The following EML4 variants were observed in gnomAD, a reference collection of about 807,000 sequenced individuals.
EML4 encodes the protein echinoderm microtubule-associated protein-like 4.
Under a neutral mutation model 129.0 loss-of-function variants are expected in EML4, and 72 were observed. The observed-to-expected ratio is 0.56, with a 90% CI of 0.46 to 0.68. The LOEUF is 0.68. EML4 is among the 30% of genes least tolerant of loss of function. EML4 has a pLI of 0.00. For missense variants in EML4, 1,363 were observed against 1,190.6 expected (o/e 1.14, Z -2.13); for synonymous variants, 532 against 405.0 (o/e 1.31, Z -3.77).
At chr2:42,299,166 G>A (rs1489339710) in intron 13 of EML4, among the ~76,000 whole-genome samples, 2 of 152,164 alleles carry the variant, frequency 1.3e-5, no homozygotes, top group African/African-American at 2.4e-5. Context: ...CAGCTCTGCT[G>A]AATTGGGCAA....
chr2:42,325,193 A>C (rs1267285891), intron 19 of EML4: 8 of 545,458 alleles, frequency 1.5e-5, no homozygotes, highest in Non-Finnish European at 2.9e-5. Context: ...AATGTCCTGT[A>C]AGATACAAGT....
chr2:42,232,927 G>T (rs1015322347), intron 1 of EML4, among the ~76,000 whole-genome samples: 2 of 152,020 alleles, frequency 1.3e-5, no homozygotes, highest in African/African-American at 4.8e-5. Context: ...GGGTTTCACC[G>T]TGTTAGCCAG....
rs1035706675 is a variant in EML4 at position 42,332,400 on chromosome 2, G to A, written c.*2193G>A. On this transcript the variant is annotated 3_prime_UTR_variant, in exon 23 of 23. Coordinates refer to ENST00000318522, the MANE Select transcript of EML4 (RefSeq NM_019063.5). ...TGGAAGTGGGTGGGGTTATGAAATT[G>A]TAGATGTTTTTAGAAAAACTTGTGA... 2.9e-5 allele frequency: 6 copies of A among 208,230 alleles called. No individual in the cohort carries two copies. Among genetic ancestry groups the A allele is most frequent in the African/African-American group, 1.4e-4 (6 of 43,984 alleles). The allele number at this position is 208,230 out of a possible 1,614,324, so 12.9% of individuals were successfully genotyped here.
chr2:42,316,442 C>G (rs1413157310), intron 18 of EML4, among the ~76,000 whole-genome samples: 1 of 152,216 alleles, frequency 6.6e-6, no homozygotes, highest in Non-Finnish European at 1.5e-5. Flanking sequence ...TCAAAATACG[C>G]AAATTGTATA....
chr2:42,218,119 C>G (rs1464789744), intron 1 of EML4, among the ~76,000 whole-genome samples: 2 of 152,126 alleles, frequency 1.3e-5, no homozygotes, highest in Non-Finnish European at 2.9e-5. Flanking sequence ...GTATTTGCAG[C>G]CGCTCCTCAT....
At chr2:42,329,681 G>C (rs1245825722) in intron 22 of EML4, 53 bp from the exon 23 acceptor site, 1 of 1,464,084 alleles carries the variant, frequency 6.8e-7, no homozygotes, top group Non-Finnish European at 9.5e-7. Context: ...TTCTGAAACA[G>C]GCATGTCAAG....
At chr2:42,268,286 T>C (rs769513779) in intron 6 of EML4, among the ~76,000 whole-genome samples, 31 of 152,160 alleles carry the variant, frequency 2.0e-4, no homozygotes, top group Non-Finnish European at 4.1e-4. Flanking sequence ...AAAGATGATT[T>C]AAAGTATACA....
intron 1 of EML4, among the ~76,000 whole-genome samples, chr2:42,221,034 A>G: frequency 6.6e-6 from 1 of 152,148 alleles, no homozygotes; most frequent in East Asian, 1.9e-4. Flanking sequence ...CCATACATAA[A>G]AGTGCAAGGT....
chr2:42,282,607 A>C (rs923768213), intron 7 of EML4, among the ~76,000 whole-genome samples: 1 of 151,330 alleles, frequency 6.6e-6, no homozygotes, highest in African/African-American at 2.4e-5. Flanking sequence ...TGCCCGCACT[A>C]CTCTCAAACT....
intron 1 of EML4, among the ~76,000 whole-genome samples, chr2:42,220,336 C>G (rs1375189424): frequency 6.6e-6 from 1 of 151,408 alleles, no homozygotes; most frequent in East Asian, 1.9e-4. Context: ...GTACCCACTT[C>G]ATCTGTGTCA....
intron 21 of EML4, among the ~76,000 whole-genome samples, chr2:42,327,249 G>A (rs993098508): frequency 3.3e-5 from 5 of 152,214 alleles, no homozygotes; most frequent in South Asian, 2.1e-4. Flanking sequence ...TTCATCAGCT[G>A]ATGGACACTT....
chr2:42,281,480 G>C (rs1667006896), intron 7 of EML4, among the ~76,000 whole-genome samples: 1 of 152,036 alleles, frequency 6.6e-6, no homozygotes, highest in African/African-American at 2.4e-5. Flanking sequence ...CTTTGGAAAG[G>C]ATAAACAATA....
Position 42,258,139 on chromosome 2 carries a change from G to C in EML4, c.338+1509G>C, listed in dbSNP as rs1032727611. Among the ~76,000 whole-genome samples the C allele has an allele frequency of 3.3e-5, 5 of 152,220 alleles. No homozygotes were observed. The East Asian group carries it at 9.6e-4, about 29-fold the overall frequency. On this transcript the variant is annotated intron_variant, in intron 3 of 22. Transcript: ENST00000318522. The stretch of plus-strand genomic sequence containing the variant: ...CAACAATCCAAGGCCAGCTGAGTTT[G>C]TTAGTTTATGATCCAGGGTCCCTGT...
chr2:42,314,694 C>T (rs531700648), intron 17 of EML4, among the ~76,000 whole-genome samples: 5 of 152,086 alleles, frequency 3.3e-5, no homozygotes, highest in Non-Finnish European at 7.4e-5. Flanking sequence ...TATTTAGTGC[C>T]TACTCTGATC....
Position 42,295,120 on chromosome 2 carries a change from C to T in EML4, c.1219-5C>T. ...TCATCTAAAGCTTTATTTCCCTTTT[C>T]ATAGACAACAAATGAAGTTGTTTTG... On this transcript the variant is annotated splice_region_variant and splice_polypyrimidine_tract_variant and intron_variant, in intron 11 of 22. Transcript: ENST00000318522. 6.2e-7 allele frequency: 1 copy of T among 1,602,942 alleles called. No individual in the cohort carries two copies.
At chr2:42,243,563 G>T (rs868486437) in intron 1 of EML4, among the ~76,000 whole-genome samples, 13 of 152,242 alleles carry the variant, frequency 8.5e-5, no homozygotes, top group South Asian at 2.1e-4. Context: ...AATGCTCAAA[G>T]AACTTGCCTA....
At chr2:42,281,336 T>TGAGCCAA (rs1231337519) in intron 7 of EML4, among the ~76,000 whole-genome samples, 4 of 147,988 alleles carry the variant, frequency 2.7e-5, no homozygotes, top group Non-Finnish European at 4.4e-5. Context: ...GAGGTTGCAG[T>TGAGCCAA]GAGCCAAGAT....
intron 14 of EML4, among the ~76,000 whole-genome samples, chr2:42,301,905 A>C (rs1451176345): frequency 1.3e-5 from 2 of 152,104 alleles, no homozygotes; most frequent in African/African-American, 4.8e-5. Flanking sequence ...ATCCTTTGTT[A>C]ATAAAAGCTA....
At position 42,322,236 on chromosome 2, in the gene EML4, C is replaced by G. The variant is rs546980640; in HGVS notation, c.2155-3231C>G. 9.8e-5 allele frequency among the ~76,000 whole-genome samples: 15 copies of G among 152,324 alleles called. No homozygotes were observed. In the East Asian group the frequency reaches 2.1e-3, roughly 22 times the overall value. Reference sequence around the variant, plus strand: ...CCTGTATTTTCCAATATGGCAATTACTAGCCACAACTTTCTGTTCATATCA... The same window carrying G: ...CCTGTATTTTCCAATATGGCAATTAGTAGCCACAACTTTCTGTTCATATCA... On this transcript the variant is annotated intron_variant, in intron 19 of 22. Transcript: ENST00000318522.
Sources: allele counts gnomAD v4.1 joint callset (sites outside exome capture counted in the v4.1 genomes callset), GRCh38; gene constraint gnomAD v4.1.1; transcripts MANE v1.5; gene names NCBI Gene and HGNC (gene_info 2026-07-23, HGNC 2026-07-21).